Variants in B3GAT3 observed in about 807,000 individuals in gnomAD.
B3GAT3 encodes the protein beta-1,3-glucuronyltransferase 3.
Under a neutral mutation model 33.1 loss-of-function variants are expected in B3GAT3, and 19 were observed. The observed-to-expected ratio is 0.57, with a 90% CI of 0.40 to 0.84. B3GAT3 has a LOEUF of 0.84. Among genes scored for constraint, B3GAT3 ranks in the 40% least tolerant of loss-of-function variants. The probability of loss-of-function intolerance (pLI) is 0.00; values close to 1 mark genes in which losing one functional copy is unlikely to be tolerated. For synonymous variants in B3GAT3, 167 were observed against 193.5 expected, an observed-to-expected ratio of 0.86 and a Z score of 1.14; for missense variants, 344 against 441.5, an observed-to-expected ratio of 0.78 and a Z score of 1.98.
intron 2 of B3GAT3, among the ~76,000 whole-genome samples, chr11:62,618,521 G>A (rs1236941940): frequency 1.3e-5 from 2 of 151,656 alleles, no homozygotes; most frequent in Non-Finnish European, 2.9e-5. Flanking sequence ...AATTAGCTGG[G>A]TGTGGTGGCG....
Position 62,615,624 on chromosome 11 carries a change from A to G in B3GAT3, c.*77T>C. ...TCCAAGGGTCAGGACTTGGAAAACCACATCCTGGGCAGGCCTGGGGCCCAG... is the reference window on the plus strand; with the variant it reads ...TCCAAGGGTCAGGACTTGGAAAACCGCATCCTGGGCAGGCCTGGGGCCCAG... On this transcript the variant is annotated 3_prime_UTR_variant, in exon 5 of 5. Transcript: ENST00000265471. 1 of 1,559,966 alleles carries G rather than the reference A, an allele frequency of 6.4e-7. No homozygotes were observed. Among genetic ancestry groups the G allele is most frequent in the Non-Finnish European group, 8.7e-7 (1 of 1,155,008 alleles).
intron 2 of B3GAT3, among the ~76,000 whole-genome samples, chr11:62,617,927 G>A (rs1590776551): frequency 6.6e-6 from 1 of 150,862 alleles, no homozygotes; most frequent in African/African-American, 2.4e-5. Flanking sequence ...TATAATCCCA[G>A]CACTTTAGGA....
chr11:62,621,769 A>G (rs1943149315), intron 1 of B3GAT3, 97 bp downstream of exon 1: 9 of 1,256,042 alleles, frequency 7.2e-6, no homozygotes, highest in Non-Finnish European at 9.7e-6. Flanking sequence ...GGCCGAGCGG[A>G]TGAATGGTGT....
chr11:62,617,538 C>T (rs1272011739), intron 2 of B3GAT3, 191 bp from the exon 3 acceptor site: 2 of 733,034 alleles, frequency 2.7e-6, no homozygotes, highest in African/African-American at 3.5e-5. Context: ...GGTCCATGTC[C>T]ATCACCCACC....
chr11:62,620,442 A>T, intron 2 of B3GAT3, 55 bp downstream of exon 2: 1 of 1,567,530 alleles, frequency 6.4e-7, no homozygotes, highest in Non-Finnish European at 8.7e-7. Flanking sequence ...ACTCCTCATC[A>T]TCAACTCCAA....
chr11:62,619,582 G>C (rs757262500), intron 2 of B3GAT3, among the ~76,000 whole-genome samples: 1 of 149,848 alleles, frequency 6.7e-6, no homozygotes, highest in Non-Finnish European at 1.5e-5. Flanking sequence ...TCTCTCTGTC[G>C]CCCAGGCTGC....
intron 4 of B3GAT3, chr11:62,616,201 G>A (rs1230417471): frequency 1.8e-5 from 10 of 542,584 alleles, no homozygotes; most frequent in Middle Eastern, 2.9e-4. Flanking sequence ...CCAAGATTGC[G>A]CTACTGCACT....
chr11:62,621,006 C>A (rs1307692849), intron 1 of B3GAT3: 3 of 520,918 alleles, frequency 5.8e-6, no homozygotes, highest in Non-Finnish European at 1.1e-5. Flanking sequence ...TCCAAGGTGC[C>A]AACTAACCAT....
rs181691664 is a variant in B3GAT3, at chr11:62,618,514, T to C, written c.258-1167A>G. ...CATCTCTACTAAAAATATAAAAAAT[T>C]AGCTGGGTGTGGTGGCGGGCACCTG... On this transcript the variant is annotated intron_variant, in intron 2 of 4. Coordinates refer to ENST00000265471, the MANE Select transcript of B3GAT3 (RefSeq NM_012200.4). Among the ~76,000 whole-genome samples, 60 of 151,072 alleles carry C rather than the reference T, an allele frequency of 4.0e-4. No individual in the cohort carries two copies. In the East Asian group the frequency reaches 0.011, roughly 28 times the overall value.
At chr11:62,616,000 T>C in intron 4 of B3GAT3, 1 of 1,431,220 alleles carries the variant, frequency 7.0e-7, no homozygotes, top group South Asian at 1.4e-5. Context: ...CCCCAGCACT[T>C]TGGGAGGCCG....
chr11:62,616,792 C>T lies in B3GAT3; in HGVS notation c.623G>A (p.Arg208His), dbSNP rs749411703. 1.4e-5 allele frequency: 22 copies of T among 1,613,800 alleles called. No individual in the cohort carries two copies. The highest frequency in any genetic ancestry group is 1.8e-5 in the Non-Finnish European group (21 of 1,179,986). ...CCACACTGAGACACCACGGGTCCAG[C>T]GCATCTAACGGAGGTCGGGAGAGAA... ...TYSRELFEEM[R>H]WTRGVSVWPV... The change falls in exon 4 of 5, where the codon CGC becomes CAC. Residue 208 changes from arginine (R) to histidine (H), a missense_variant. Arg to His is a conservative substitution (Grantham distance 29). Transcript: ENST00000265471.
rs779934549 is a variant in B3GAT3 at position 62,621,927 on chromosome 11, G to T, written c.21C>A (p.Asn7Lys). 4 of 1,612,948 alleles carry T rather than the reference G, an allele frequency of 2.5e-6. No homozygotes were observed. Among genetic ancestry groups the T allele is most frequent in the African/African-American group, 2.7e-5 (2 of 74,828 alleles). ...ACACCAGGAAGTAGGCGAGAAACAC[G>T]TTCTTCAGCTTCAGCTTCATGGCCG... is the stretch of plus-strand genomic sequence containing the variant. MKLKLKNVFLAYFLVSI... is the reference protein window; with the variant it reads MKLKLKKVFLAYFLVSI... The change falls in exon 1 of 5, where the codon AAC becomes AAA. Residue 7 changes from asparagine to lysine, a missense_variant. By Grantham distance (94) the Asn-to-Lys change is moderately conservative. Coordinates refer to ENST00000265471, the MANE Select transcript of B3GAT3 (RefSeq NM_012200.4).
Position 62,621,408 on chromosome 11 carries a change from G to A in B3GAT3, c.82+458C>T, listed in dbSNP as rs1590780876. 1.8e-5 allele frequency: 8 copies of A among 441,428 alleles called. No homozygotes were observed. The East Asian group carries it at 5.5e-4, about 30-fold the overall frequency. The allele number at this position is 441,428 out of a possible 1,614,324, so 27.3% of individuals were successfully genotyped here. On this transcript the variant is annotated intron_variant, in intron 1 of 4. Coordinates refer to ENST00000265471, the MANE Select transcript of B3GAT3 (RefSeq NM_012200.4). ...ATTAAGAATGGTAACTTTAGCTATGGTGGTCAGGGAAGGCCTCTCTGAGGA... is the reference window on the plus strand; with the variant it reads ...ATTAAGAATGGTAACTTTAGCTATGATGGTCAGGGAAGGCCTCTCTGAGGA...
rs150492409 is a variant in B3GAT3 at position 62,618,177 on chromosome 11, C to CAAAAA, written c.258-835_258-831dup. On this transcript the variant is annotated intron_variant, in intron 2 of 4. Coordinates refer to ENST00000265471, the MANE Select transcript of B3GAT3 (RefSeq NM_012200.4). ...GAGCGACAAGAGCGAAACTCTGTCT[C>CAAAAA]AAAAAAAAAAAAAAAAAAAAAAAAA... Among the ~76,000 whole-genome samples, 33 of 46,264 alleles carry CAAAAA rather than the reference C, an allele frequency of 7.1e-4. 2 individuals carry two copies. Among genetic ancestry groups the CAAAAA allele is most frequent in the African/African-American group, 2.5e-3 (24 of 9,738 alleles). 30.4% of individuals were successfully genotyped at this position (46,264 alleles called of 152,430 possible).
intron 4 of B3GAT3, 163 bp downstream of exon 4, chr11:62,616,343 C>T: frequency 9.5e-7 from 1 of 1,050,858 alleles, no homozygotes; most frequent in Admixed American, 2.0e-5. Context: ...GACCACTTTC[C>T]CCCGCTAGTT....
intron 2 of B3GAT3, 126 bp from the exon 3 acceptor site, chr11:62,617,473 C>T (rs117793752): frequency 1.5e-6 from 2 of 1,304,254 alleles, no homozygotes; most frequent in African/African-American, 1.4e-5. Flanking sequence ...AATGCCTAAA[C>T]TCCCTCTTTC....
intron 1 of B3GAT3, 140 bp downstream of exon 1, chr11:62,621,726 G>T: frequency 1.1e-6 from 1 of 883,264 alleles, no homozygotes; most frequent in Non-Finnish European, 1.7e-6. Flanking sequence ...TCTATAGAGG[G>T]CAGTGCGCCT....
chr11:62,616,442 T>C (rs1943028390), intron 4 of B3GAT3, 64 bp downstream of exon 4: 1 of 1,608,826 alleles, frequency 6.2e-7, no homozygotes, highest in Non-Finnish European at 8.5e-7. Flanking sequence ...AGGGTCTCAC[T>C]GTACCTCCCC....
intron 2 of B3GAT3, 161 bp from the exon 3 acceptor site, chr11:62,617,508 C>T (rs1241278919): frequency 1.1e-6 from 1 of 908,366 alleles, no homozygotes; most frequent in East Asian, 2.6e-5. Flanking sequence ...CATGCTAACA[C>T]TCACCTGCCC....
Sources: gnomAD v4.1 joint callset for allele counts (sites outside exome capture counted in the v4.1 genomes callset) on GRCh38, gnomAD v4.1.1 for gene constraint, MANE v1.5 for transcripts, NCBI Gene and HGNC (gene_info 2026-07-23, HGNC 2026-07-21) for gene names.